ELAPOR2: variants seen among roughly 807,000 people sequenced by gnomAD.
The protein encoded by ELAPOR2 is endosome/lysosome-associated apoptosis and autophagy regulator family member 2.
A neutral mutation model predicts 120.7 loss-of-function variants in ELAPOR2; 89 were observed. The ratio of observed to expected loss-of-function variants is 0.74; its 90% CI spans 0.62 to 0.88. The LOEUF is 0.88. Among genes scored for constraint, ELAPOR2 ranks in the 40% least tolerant of loss-of-function variants. The pLI, the probability that ELAPOR2 is intolerant of heterozygous loss-of-function variation, is 0.00. For missense variants in ELAPOR2, 1,134 were observed against 1,251.6 expected, an observed-to-expected ratio of 0.91 and a Z score of 1.42; for synonymous variants, 444 against 444.9, an observed-to-expected ratio of 1.00 and a Z score of 0.03.
At chr7:87,037,851 G>A (rs1794639295) in intron 1 of ELAPOR2, among the ~76,000 whole-genome samples, 1 of 152,120 alleles carries the variant, frequency 6.6e-6, no homozygotes, top group Non-Finnish European at 1.5e-5. Context: ...ATCCTGTAAA[G>A]CACTACTATA....
intron 21 of ELAPOR2, among the ~76,000 whole-genome samples, chr7:86,884,749 C>T (rs149612069): frequency 4.6e-5 from 7 of 152,178 alleles, no homozygotes; most frequent in African/African-American, 7.2e-5. Context: ...TGAGAGATTA[C>T]GAAAATTTTG....
At chr7:87,028,799 C>T (rs1584014959) in intron 1 of ELAPOR2, among the ~76,000 whole-genome samples, 1 of 152,130 alleles carries the variant, frequency 6.6e-6, no homozygotes, top group East Asian at 1.9e-4. Context: ...TTCACACACC[C>T]TAAAAGGCAC....
At chr7:87,017,656 C>T (rs1490990805) in intron 1 of ELAPOR2, among the ~76,000 whole-genome samples, 1 of 152,106 alleles carries the variant, frequency 6.6e-6, no homozygotes, top group Non-Finnish European at 1.5e-5. Flanking sequence ...CGTGGTGGCT[C>T]GTGCCTGTAA....
At chr7:86,925,483 G>A (rs1179402627) in intron 10 of ELAPOR2, 45 bp downstream of exon 10, 2 of 1,599,384 alleles carry the variant, frequency 1.3e-6, no homozygotes, top group Non-Finnish European at 1.7e-6. Flanking sequence ...AATGAATGAT[G>A]TCTCTATTGC....
At chr7:86,945,236 G>A (rs571644994) in intron 3 of ELAPOR2, among the ~76,000 whole-genome samples, 190 bp from the exon 4 acceptor site, 4 of 152,214 alleles carry the variant, frequency 2.6e-5, no homozygotes, top group South Asian at 4.2e-4. Flanking sequence ...AAATAACTTC[G>A]TAAATCTTTT....
At chr7:86,988,147 T>C (rs113775354) in intron 1 of ELAPOR2, among the ~76,000 whole-genome samples, 11,502 of 152,082 alleles carry the variant, frequency 0.076, 481 homozygotes, top group Admixed American at 0.11. Context: ...AACTGAACAA[T>C]GAGAACACTT....
intron 14 of ELAPOR2, 120 bp from the exon 15 acceptor site, chr7:86,912,365 A>G: frequency 1.9e-6 from 1 of 513,046 alleles, no homozygotes; most frequent in African/African-American, 1.9e-5. Flanking sequence ...TAGCTATAAT[A>G]TACTTTACCA....
chr7:87,048,125 T>C (rs759863750), intron 1 of ELAPOR2, among the ~76,000 whole-genome samples: 2 of 151,946 alleles, frequency 1.3e-5, no homozygotes, highest in Non-Finnish European at 2.9e-5. Flanking sequence ...GCACCTGTTG[T>C]CCCAGCTACT....
At chr7:86,955,363 G>A (rs188078454) in intron 2 of ELAPOR2, among the ~76,000 whole-genome samples, 64 of 152,174 alleles carry the variant, frequency 4.2e-4, no homozygotes, top group African/African-American at 1.5e-3. Flanking sequence ...TGGCTGAAGG[G>A]AATTCTTGTT....
intron 1 of ELAPOR2, among the ~76,000 whole-genome samples, chr7:87,011,840 A>T (rs934011289): frequency 6.6e-6 from 1 of 152,212 alleles, no homozygotes; most frequent in Non-Finnish European, 1.5e-5. Context: ...TCAGCATAAC[A>T]TCTGTACCAG....
intron 1 of ELAPOR2, among the ~76,000 whole-genome samples, chr7:87,016,089 T>C (rs1287135163): frequency 1.3e-5 from 2 of 152,118 alleles, no homozygotes; most frequent in Non-Finnish European, 2.9e-5. Context: ...GACAAACAAA[T>C]CTAAATACTT....
Position 86,909,707 on chromosome 7 carries a change from G to C in ELAPOR2, c.2359+105C>G, listed in dbSNP as rs1789204798. On this transcript the variant is annotated intron_variant, in intron 16 of 21. Transcript: ENST00000450689. ...AAAGTGACAATTTAAAATTACCTGT[G>C]GGGGCCTTAATCATCTATAGCAAAC... The C allele has an allele frequency of 4.3e-6, 4 of 940,196 alleles. No homozygotes were observed. The Admixed American group carries it at 1.0e-4, about 24-fold the overall frequency. The allele number at this position is 940,196 out of a possible 1,614,324, so 58.2% of individuals were successfully genotyped here. A position where few individuals can be genotyped will look rare whatever the true frequency, so the allele number is the denominator to read the frequency against.
intron 2 of ELAPOR2, among the ~76,000 whole-genome samples, chr7:86,949,091 C>T (rs1791125287): frequency 1.3e-5 from 2 of 152,166 alleles, no homozygotes; most frequent in Non-Finnish European, 1.5e-5. Flanking sequence ...TAATATAATG[C>T]TTTCCTTGAG....
intron 16 of ELAPOR2, among the ~76,000 whole-genome samples, chr7:86,909,470 AT>A: frequency 6.6e-6 from 1 of 152,154 alleles, no homozygotes; most frequent in South Asian, 2.1e-4. Context: ...CATATAAATA[AT>A]TTAGGTGTAG....
At position 86,938,512 on chromosome 7, in the gene ELAPOR2, C is replaced by T. The variant is rs74971532; in HGVS notation, c.1000+296G>A. Among the ~76,000 whole-genome samples the T allele has an allele frequency of 5.8e-3, 879 of 152,110 alleles. 5 individuals are homozygous for T. The highest frequency in any genetic ancestry group is 7.8e-3 in the Non-Finnish European group (529 of 67,988). ...GGAACAAATTAAAAGTTTCTATATA[C>T]GTCTCTACACCAACAAATCATGTAA... On this transcript the variant is annotated intron_variant, in intron 7 of 21. Transcript: ENST00000450689.
chr7:86,899,431 G>A (rs995368810), intron 18 of ELAPOR2, among the ~76,000 whole-genome samples: 2 of 152,218 alleles, frequency 1.3e-5, no homozygotes, highest in South Asian at 2.1e-4. Flanking sequence ...CTGAGGACAG[G>A]TGTCCTGAAA....
At chr7:86,934,133 C>T (rs1790457774) in intron 8 of ELAPOR2, among the ~76,000 whole-genome samples, 2 of 151,904 alleles carry the variant, frequency 1.3e-5, no homozygotes, top group African/African-American at 4.8e-5. Flanking sequence ...ATATACTAAG[C>T]TTTAATTCAA....
In ELAPOR2 at chr7:86,925,541, G is replaced by A. The variant is rs531687349; in HGVS notation, c.1386C>T (p.Cys462=). The part of the protein sequence containing the change: ...TSCFNVGNSK[C]DGMNGWEVAG... Reference sequence around the variant, plus strand: ...TTTTGAACTTACCATTCATTCCATCGCACTTTGAATTCCCAACATTGAAGC... The same window carrying A: ...TTTTGAACTTACCATTCATTCCATCACACTTTGAATTCCCAACATTGAAGC... Residue 462 remains cysteine, a synonymous_variant, in exon 10 of 22, where the codon TGC becomes TGT. Transcript: ENST00000450689. 108 of 1,611,312 alleles carry A rather than the reference G, an allele frequency of 6.7e-5. No individual in the cohort carries two copies. Among genetic ancestry groups the A allele is most frequent in the Non-Finnish European group, 8.3e-5 (98 of 1,178,256 alleles).
intron 1 of ELAPOR2, among the ~76,000 whole-genome samples, chr7:87,051,905 T>C (rs1470164079): frequency 6.6e-6 from 1 of 152,262 alleles, no homozygotes; most frequent in Non-Finnish European, 1.5e-5. Context: ...TGGAGAATGA[T>C]GACAATATTC....
Sources: allele counts gnomAD v4.1 joint callset (sites outside exome capture counted in the v4.1 genomes callset), GRCh38; gene constraint gnomAD v4.1.1; transcripts MANE v1.5; gene names NCBI Gene and HGNC (gene_info 2026-07-23, HGNC 2026-07-21).